Variants in ZKSCAN7 observed in about 807,000 individuals in gnomAD.
ZKSCAN7 encodes the protein zinc finger with KRAB and SCAN domains 7.
Under a neutral mutation model 65.3 loss-of-function variants are expected in ZKSCAN7, and 38 were observed. The observed-to-expected ratio is 0.58, with a 90% CI of 0.45 to 0.76. The LOEUF is 0.76. Ranked by LOEUF, ZKSCAN7 falls within the 30% of genes least tolerant of loss-of-function variation. The pLI is 0.00. For synonymous variants in ZKSCAN7, 321 were observed against 321.0 expected, an observed-to-expected ratio of 1.00 and a Z score of 0.00; for missense variants, 815 against 913.3, an observed-to-expected ratio of 0.89 and a Z score of 1.39.
At chr3:44,572,296 C>T, downstream of ZKSCAN7, 2 of 926,314 alleles carry the variant, frequency 2.2e-6, no homozygotes, top group Non-Finnish European at 2.6e-6. Flanking sequence ...TTTACATATA[C>T]TCCTGGAAGT....
In ZKSCAN7 at chr3:44,565,625, G is replaced by A; in HGVS notation, c.562G>A (p.Gly188Arg). ...CCACCTGGAGCCTCCTTATGACCCAGGGACACACCACCTCCCCAGTGGGGA... is the reference window on the plus strand; with the variant it reads ...CCACCTGGAGCCTCCTTATGACCCAAGGACACACCACCTCCCCAGTGGGGA... ...GAHLEPPYDP[G>R]THHLPSGDFA... is the part of the protein sequence containing the mutation. Residue 188 changes from glycine (G) to arginine (R), a missense_variant, in exon 3 of 6, where the codon GGG becomes AGG. By Grantham distance (125) the Gly-to-Arg change is moderately radical. Transcript: ENST00000426540. The A allele has an allele frequency of 1.9e-6, 3 of 1,608,202 alleles. No individual in the cohort carries two copies. Among genetic ancestry groups the A allele is most frequent in the Non-Finnish European group, 2.5e-6 (3 of 1,177,684 alleles).
chr3:44,577,741 A>G (rs1181647719), intron 5 of ZKSCAN7, among the ~76,000 whole-genome samples: 2 of 152,224 alleles, frequency 1.3e-5, no homozygotes, highest in African/African-American at 4.8e-5. Context: ...TGAAGACAAC[A>G]GGAAGTCAAC....
chr3:44,580,377 C>A (rs1467967999), intron 5 of ZKSCAN7: 14 of 1,606,412 alleles, frequency 8.7e-6, no homozygotes, highest in Non-Finnish European at 2.6e-6. Flanking sequence ...CTGAGCTGGA[C>A]TCAGACTGCT....
At chr3:44,575,693 T>C (rs755677239), downstream of ZKSCAN7, among the ~76,000 whole-genome samples, 96 of 152,332 alleles carry the variant, frequency 6.3e-4, no homozygotes, top group Non-Finnish European at 5.6e-4. Flanking sequence ...TTCTCTTGCC[T>C]CAGCCTCCTG....
In ZKSCAN7 at chr3:44,565,656, G is replaced by A. The variant is rs1351668722; in HGVS notation, c.592+1G>A. The A allele has an allele frequency of 1.3e-6, 2 of 1,587,504 alleles. No individual in the cohort carries two copies. The highest frequency in any genetic ancestry group is 1.7e-6 in the Non-Finnish European group (2 of 1,168,224). On this transcript the variant is annotated splice_donor_variant, in intron 3 of 5. Coordinates refer to ENST00000426540, the MANE Select transcript of ZKSCAN7 (RefSeq NM_001288590.2). LOFTEE classifies it high-confidence loss of function. ...CACCACCTCCCCAGTGGGGACTTCG[G>A]TACTTATCTCCCCAGCTTTGGCCTT...
At position 44,570,796 on chromosome 3, in the gene ZKSCAN7, G is replaced by T. The variant is rs1255779388; in HGVS notation, c.1686G>T (p.Arg562=). The change falls in exon 6 of 6, where the codon CGG becomes CGT. Residue 562 remains arginine (R), a synonymous_variant. Coordinates refer to ENST00000426540, the MANE Select transcript of ZKSCAN7 (RefSeq NM_001288590.2). The part of the protein sequence containing the change: ...ECSECGKAFS[R]SKCLIRHQSL... ...GTGAATGTGGCAAAGCCTTCAGTCG[G>T]AGTAAATGTCTTATTCGACATCAGA... The T allele has an allele frequency of 6.2e-7, 1 of 1,614,060 alleles. No homozygotes were observed. Among genetic ancestry groups the T allele is most frequent in the Non-Finnish European group, 8.5e-7 (1 of 1,180,042 alleles).
chr3:44,564,774 G>T (rs1433195698), intron 2 of ZKSCAN7, among the ~76,000 whole-genome samples: 1 of 151,770 alleles, frequency 6.6e-6, no homozygotes, highest in Non-Finnish European at 1.5e-5. Flanking sequence ...TACCTCCTTT[G>T]TACTTCTTTT....
intron 1 of ZKSCAN7, among the ~76,000 whole-genome samples, chr3:44,555,829 C>T (rs1342943846): frequency 6.6e-6 from 1 of 152,188 alleles, no homozygotes; most frequent in Non-Finnish European, 1.5e-5. Context: ...GCCCTAGTTA[C>T]CAGTAAGGTG....
chr3:44,566,213 T>G (rs1230151133), intron 3 of ZKSCAN7, among the ~76,000 whole-genome samples: 2 of 152,154 alleles, frequency 1.3e-5, no homozygotes, highest in African/African-American at 4.8e-5. Context: ...GACCCTAAGC[T>G]GGAGATTCCT....
chr3:44,577,278 A>G (rs1699939984), intron 5 of ZKSCAN7, among the ~76,000 whole-genome samples: 1 of 141,458 alleles, frequency 7.1e-6, no homozygotes, highest in Non-Finnish European at 1.6e-5. Context: ...CAAATAACCA[A>G]TTCTTTTTTT....
At chr3:44,556,839 C>T in intron 1 of ZKSCAN7, 91 bp from the exon 2 acceptor site, 1 of 669,780 alleles carries the variant, frequency 1.5e-6, no homozygotes, top group Non-Finnish European at 2.6e-6. Flanking sequence ...GTTCTTTTTT[C>T]CTGGAGCTTT....
Position 44,565,904 on chromosome 3 carries a change from G to T in ZKSCAN7, c.592+249G>T, listed in dbSNP as rs541900887. On this transcript the variant is annotated intron_variant, in intron 3 of 5. Coordinates refer to ENST00000426540, the MANE Select transcript of ZKSCAN7 (RefSeq NM_001288590.2). Reference sequence around the variant, plus strand: ...ACCAGAGAGATGTAGTACATCTATTGTCACTGATTTCAAAGAGCTTGTTAT... The same window carrying T: ...ACCAGAGAGATGTAGTACATCTATTTTCACTGATTTCAAAGAGCTTGTTAT... Among the ~76,000 whole-genome samples the T allele has an allele frequency of 2.9e-3, 440 of 152,296 alleles. 3 individuals are homozygous for T. Among genetic ancestry groups the T allele is most frequent in the African/African-American group, 0.01 (416 of 41,576 alleles).
rs973500942 is a variant in ZKSCAN7 at position 44,571,780 on chromosome 3, T to G, written c.*405T>G. On this transcript the variant is annotated 3_prime_UTR_variant, in exon 6 of 6. Coordinates refer to ENST00000426540, the MANE Select transcript of ZKSCAN7 (RefSeq NM_001288590.2). ...AGGCTGATTCATGCCTTCCTGCCTC[T>G]TGGCTATGGCCCTCCCCATCTACTC... 1 of 1,017,538 alleles carries G rather than the reference T, an allele frequency of 9.8e-7. No individual in the cohort carries two copies. The highest frequency in any genetic ancestry group is 1.2e-6 in the Non-Finnish European group (1 of 848,786). 63.0% of individuals were successfully genotyped at this position (1,017,538 alleles called of 1,614,324 possible).
chr3:44,571,344 A>T lies in ZKSCAN7; in HGVS notation c.2234A>T (p.Lys745Met). Residue 745 changes from lysine to methionine, a missense_variant, in exon 6 of 6, where the codon AAG becomes ATG. By Grantham distance (95) the Lys-to-Met change is moderately conservative. Coordinates refer to ENST00000426540, the MANE Select transcript of ZKSCAN7 (RefSeq NM_001288590.2). ...NHHQRTHTGEKSSGLAWSVS is the reference protein window; with the variant it reads ...NHHQRTHTGEMSSGLAWSVS The stretch of plus-strand genomic sequence containing the variant: ...CACCAGCGAACTCACACTGGAGAGA[A>T]GTCCTCAGGTCTGGCTTGGTCAGTT... 6.2e-7 allele frequency: 1 copy of T among 1,614,234 alleles called. No individual in the cohort carries two copies. Among genetic ancestry groups the T allele is most frequent in the South Asian group, 1.1e-5 (1 of 91,086 alleles).
intron 2 of ZKSCAN7, among the ~76,000 whole-genome samples, chr3:44,560,899 T>A (rs761987647): frequency 2.0e-5 from 3 of 152,160 alleles, no homozygotes; most frequent in Non-Finnish European, 4.4e-5. Flanking sequence ...AGTGAGCACA[T>A]GTAGTAAGCA....
chr3:44,571,836 T>C lies in ZKSCAN7; in HGVS notation c.*461T>C. 2.0e-6 allele frequency: 2 copies of C among 990,184 alleles called. No homozygotes were observed. Among genetic ancestry groups the C allele is most frequent in the Non-Finnish European group, 2.4e-6 (2 of 832,810 alleles). The allele number at this position is 990,184 out of a possible 1,614,324, so 61.3% of individuals were successfully genotyped here. On this transcript the variant is annotated 3_prime_UTR_variant, in exon 6 of 6. Coordinates refer to ENST00000426540, the MANE Select transcript of ZKSCAN7 (RefSeq NM_001288590.2). Reference sequence around the variant, plus strand: ...ACTTTAATCTATAACTTTTCATCAGTTTTGTTCCCTATCTAGAAAACATTT... The same window carrying C: ...ACTTTAATCTATAACTTTTCATCAGCTTTGTTCCCTATCTAGAAAACATTT...
Position 44,565,734 on chromosome 3 carries a change from C to G in ZKSCAN7, c.592+79C>G, listed in dbSNP as rs562639290. ...AGTCTCCTTTCCTTTATCTGCCCATCTCCTACTCCATGGAATCCCTCATTG... is the reference window on the plus strand; with the variant it reads ...AGTCTCCTTTCCTTTATCTGCCCATGTCCTACTCCATGGAATCCCTCATTG... On this transcript the variant is annotated intron_variant, in intron 3 of 5. Coordinates refer to ENST00000426540, the MANE Select transcript of ZKSCAN7 (RefSeq NM_001288590.2). 28 of 1,363,154 alleles carry G rather than the reference C, an allele frequency of 2.1e-5. No individual in the cohort carries two copies. In the South Asian group the frequency reaches 4.0e-4, roughly 20 times the overall value. The allele number at this position is 1,363,154 out of a possible 1,614,324, so 84.4% of individuals were successfully genotyped here.
chr3:44,574,917 C>A (rs1424976459), downstream of ZKSCAN7, among the ~76,000 whole-genome samples: 1 of 151,922 alleles, frequency 6.6e-6, no homozygotes, highest in South Asian at 2.1e-4. Flanking sequence ...GTGACAAGAG[C>A]AAGACTTCAT....
intron 2 of ZKSCAN7, among the ~76,000 whole-genome samples, chr3:44,562,594 A>G (rs1315932277): frequency 6.6e-6 from 1 of 152,160 alleles, no homozygotes; most frequent in East Asian, 1.9e-4. Context: ...TTTTAAATAT[A>G]AGTTCCAGTT....
Sources: allele counts gnomAD v4.1 joint callset (sites outside exome capture counted in the v4.1 genomes callset), GRCh38; gene constraint gnomAD v4.1.1; transcripts MANE v1.5; gene names NCBI Gene and HGNC (gene_info 2026-07-23, HGNC 2026-07-21).